WDR33: variants seen among roughly 807,000 people sequenced by gnomAD.
WDR33 encodes the protein pre-mRNA 3' end processing protein WDR33.
In WDR33, 47 loss-of-function variants were observed where a neutral mutation model predicts 164.9. The ratio of observed to expected loss-of-function variants is 0.29; its 90% CI spans 0.23 to 0.36. The LOEUF is 0.36. Ranked by LOEUF, WDR33 falls within the 10% of genes least tolerant of loss-of-function variation. The pLI, the probability that WDR33 is intolerant of heterozygous loss-of-function variation, is 1.00. For synonymous variants in WDR33, 505 were observed against 589.0 expected, an observed-to-expected ratio of 0.86 and a Z score of 2.06; for missense variants, 1,137 against 1,754.1, an observed-to-expected ratio of 0.65 and a Z score of 6.28.
intron 7 of WDR33, among the ~76,000 whole-genome samples, chr2:127,742,519 T>A (rs1401969565): frequency 4.6e-5 from 5 of 107,984 alleles, no homozygotes; most frequent in Non-Finnish European, 3.5e-5. Context: ...AGAGACCCTG[T>A]CTCAAAAAAA....
Position 127,714,015 on chromosome 2 carries a change from G to A in WDR33, c.2876C>T (p.Ser959Phe), listed in dbSNP as rs557662955. The change falls in exon 18 of 22, where the codon TCC (serine) becomes TTC (phenylalanine). Residue 959 changes from serine to phenylalanine, a missense_variant. Physicochemically the swap from Ser to Phe is radical, Grantham distance 155 (BLOSUM62 -2). Coordinates refer to ENST00000322313, the MANE Select transcript of WDR33 (RefSeq NM_018383.5). The surrounding 1 kb of genome is among the most constrained non-coding windows in gnomAD (Gnocchi z 4.3). ...GQGPGPNKGD[S>F]RGPPNHHMGP... ...CATGTGATGGTTTGGAGGGCCGCGG[G>A]AGTCACCTAAAGGAAACAAAGCTGA... is the stretch of plus-strand genomic sequence containing the variant. The A allele has an allele frequency of 1.3e-6, 2 of 1,517,982 alleles. No homozygotes were observed. The highest frequency in any genetic ancestry group is 2.8e-5 in the African/African-American group (2 of 72,032). 94.0% of individuals were successfully genotyped at this position (1,517,982 alleles called of 1,614,324 possible).
chr2:127,761,409 C>T lies in WDR33; in HGVS notation c.724+1653G>A, dbSNP rs530125942. Among the ~76,000 whole-genome samples the T allele has an allele frequency of 2.5e-4, 38 of 152,258 alleles. No homozygotes were observed. The South Asian group carries it at 7.5e-3, about 30-fold the overall frequency. ...TAGAGACAGAGTTTCATGGTGTTAG[C>T]CAGGATGGTCTTGATCTCCTGACCT... On this transcript the variant is annotated intron_variant, in intron 7 of 21. Transcript: ENST00000322313.
chr2:127,800,360 C>T (rs1441218434), intron 1 of WDR33, among the ~76,000 whole-genome samples: 7 of 152,308 alleles, frequency 4.6e-5, no homozygotes, highest in East Asian at 1.9e-4. Context: ...CAAGCCTGGG[C>T]GCAGTGGCTC....
At position 127,716,022 on chromosome 2, in the gene WDR33, G is replaced by A. The variant is rs769631172; in HGVS notation, c.2869+1133C>T. Among the ~76,000 whole-genome samples the A allele has an allele frequency of 7.2e-5, 11 of 152,300 alleles. No homozygotes were observed. The highest frequency in any genetic ancestry group is 8.8e-5 in the Non-Finnish European group (6 of 68,040). Reference sequence around the variant, plus strand: ...CAGACACAGGGCAGGGAGAGGAAGAGAGGCAGCTCTCAGTTTGCTGATGGC... The same window carrying A: ...CAGACACAGGGCAGGGAGAGGAAGAAAGGCAGCTCTCAGTTTGCTGATGGC... On this transcript the variant is annotated intron_variant, in intron 17 of 21. Transcript: ENST00000322313. The surrounding 1 kb of genome is among the most constrained non-coding windows in gnomAD (Gnocchi z 4.5).
intron 7 of WDR33, among the ~76,000 whole-genome samples, chr2:127,745,537 AG>A (rs1356706214): frequency 9.2e-5 from 14 of 152,248 alleles, no homozygotes; most frequent in Non-Finnish European, 7.3e-5. Context: ...CAAAGACTGA[AG>A]AAAAACAGAT....
intron 1 of WDR33, among the ~76,000 whole-genome samples, chr2:127,786,177 G>T (rs1013314530): frequency 1.3e-5 from 2 of 152,154 alleles, no homozygotes; most frequent in African/African-American, 4.8e-5. Context: ...AAGCCCACAG[G>T]CATGTGCCAC....
intron 7 of WDR33, among the ~76,000 whole-genome samples, chr2:127,728,594 G>A (rs1311359683): frequency 1.3e-5 from 2 of 152,094 alleles, no homozygotes; most frequent in African/African-American, 4.8e-5. Context: ...AACTGAAGAT[G>A]GAATAATTGA....
chr2:127,795,756 C>T lies in WDR33; in HGVS notation c.-24+15256G>A, dbSNP rs719863. On this transcript the variant is annotated intron_variant, in intron 1 of 21. Coordinates refer to ENST00000322313, the MANE Select transcript of WDR33 (RefSeq NM_018383.5). The stretch of plus-strand genomic sequence containing the variant: ...GCTGAGATGGAGAGGATCACTTGTG[C>T]ACAGGAGGTCCAGGCTGCAGCGAGC... Among the ~76,000 whole-genome samples, 856 of 150,954 alleles carry T rather than the reference C, an allele frequency of 5.7e-3. 21 individuals carry two copies. Among genetic ancestry groups the T allele is most frequent in the African/African-American group, 0.02 (804 of 40,968 alleles).
intron 7 of WDR33, among the ~76,000 whole-genome samples, chr2:127,728,435 G>C (rs1041139576): frequency 5.3e-5 from 8 of 152,122 alleles, no homozygotes; most frequent in Non-Finnish European, 8.8e-5. Flanking sequence ...ATTGTTAACA[G>C]AAATAATATT....
chr2:127,764,462 C>T lies in WDR33; in HGVS notation c.626+366G>A, dbSNP rs567233150. ...TTTTCTGTAGGCTTTAGATTTTATT[C>T]AGTTGCATAATTAAAGACTGAATTC... On this transcript the variant is annotated intron_variant, in intron 6 of 21. Coordinates refer to ENST00000322313, the MANE Select transcript of WDR33 (RefSeq NM_018383.5). The surrounding 1 kb of genome is among the most constrained non-coding windows in gnomAD (Gnocchi z 6.2). 1.4e-6 allele frequency: 2 copies of T among 1,459,854 alleles called. No homozygotes were observed. Among genetic ancestry groups the T allele is most frequent in the South Asian group, 3.1e-5 (2 of 65,094 alleles). 90.4% of individuals were successfully genotyped at this position (1,459,854 alleles called of 1,614,324 possible).
chr2:127,802,963 A>C (rs1178713997), intron 1 of WDR33, among the ~76,000 whole-genome samples: 1 of 152,194 alleles, frequency 6.6e-6, no homozygotes, highest in Non-Finnish European at 1.5e-5. Flanking sequence ...CCTAGGTAAC[A>C]GATTGAGATC....
intron 1 of WDR33, among the ~76,000 whole-genome samples, chr2:127,785,880 T>C (rs938821256): frequency 2.6e-5 from 4 of 152,218 alleles, no homozygotes; most frequent in Non-Finnish European, 5.9e-5. Flanking sequence ...CTTGGTTTTG[T>C]AAGAAACTGC....
rs1178923151 is a variant in WDR33 at position 127,768,229 on chromosome 2, G to A, written c.338C>T (p.Thr113Ile). Residue 113 changes from threonine to isoleucine, a missense_variant, in exon 4 of 22, where the codon ACA becomes ATA. Thr to Ile is a moderately conservative substitution (Grantham distance 89, BLOSUM62 -1). Coordinates refer to ENST00000322313, the MANE Select transcript of WDR33 (RefSeq NM_018383.5). ...MNAVTTKFVR[T>I]STNKVKCPVF... ...AGGACACTTTACTTTATTTGTTGATGTCCGAACAAATTTTGTTGTTACTGC... is the reference window on the plus strand; with the variant it reads ...AGGACACTTTACTTTATTTGTTGATATCCGAACAAATTTTGTTGTTACTGC... 1.3e-6 allele frequency: 2 copies of A among 1,582,542 alleles called. No individual in the cohort carries two copies. Among genetic ancestry groups the A allele is most frequent in the African/African-American group, 1.3e-5 (1 of 74,348 alleles).
intron 1 of WDR33, among the ~76,000 whole-genome samples, chr2:127,780,025 G>A (rs775464292): frequency 1.3e-5 from 2 of 149,816 alleles, no homozygotes; most frequent in Non-Finnish European, 3.0e-5. Context: ...CCAGGCTAGA[G>A]TGCAGTGGTG....
chr2:127,753,263 A>C, intron 7 of WDR33, among the ~76,000 whole-genome samples: 1 of 152,342 alleles, frequency 6.6e-6, no homozygotes, highest in Non-Finnish European at 1.5e-5. Context: ...TTCTAAGTTC[A>C]TATCTGTTGA....
chr2:127,740,035 GT>G (rs746902874), intron 7 of WDR33, among the ~76,000 whole-genome samples: 5 of 151,340 alleles, frequency 3.3e-5, no homozygotes, highest in Admixed American at 1.3e-4. Flanking sequence ...TGTTGATTAT[GT>G]TTTTTTTTAA....
In WDR33 at chr2:127,798,493, T is replaced by C. The variant is rs796448516; in HGVS notation, c.-24+12519A>G. Among the ~76,000 whole-genome samples the C allele has an allele frequency of 1.0e-4, 15 of 148,546 alleles. No individual in the cohort carries two copies. In the East Asian group the frequency reaches 1.6e-3, roughly 16 times the overall value. On this transcript the variant is annotated intron_variant, in intron 1 of 21. Coordinates refer to ENST00000322313, the MANE Select transcript of WDR33 (RefSeq NM_018383.5). ...GCCCTGAATATTTCAAATCTGTCAA[T>C]AGCAAGATAAAATGATAAGCTTAAG... is the stretch of plus-strand genomic sequence containing the variant.
chr2:127,742,522 CAAA>C (rs66766896), intron 7 of WDR33, among the ~76,000 whole-genome samples: 16 of 79,218 alleles, frequency 2.0e-4, no homozygotes, highest in Non-Finnish European at 2.8e-4. Flanking sequence ...GACCCTGTCT[CAAA>C]AAAAAAAAAA....
At chr2:127,758,611 T>C (rs10928780) in intron 7 of WDR33, among the ~76,000 whole-genome samples, 3,241 of 152,314 alleles carry the variant, frequency 0.021, 124 homozygotes, top group African/African-American at 0.075. Flanking sequence ...ACTTGTTAAC[T>C]GATTCTCTTT....
Sources: gnomAD v4.1 joint callset for allele counts (sites outside exome capture counted in the v4.1 genomes callset) on GRCh38, gnomAD v4.1.1 for gene constraint, Gnocchi (gnomAD v3.1) non-coding constraint, MANE v1.5 for transcripts, NCBI Gene and HGNC (gene_info 2026-07-23, HGNC 2026-07-21) for gene names.